Variants in COL4A3 observed in about 807,000 individuals in gnomAD.
COL4A3 encodes the protein collagen alpha-3(IV) chain.
A neutral mutation model predicts 217.4 loss-of-function variants in COL4A3; 135 were observed. The ratio of observed to expected loss-of-function variants is 0.62; its 90% confidence interval spans 0.54 to 0.72. The LOEUF is 0.72. Ranked by LOEUF, COL4A3 falls within the 30% of genes least tolerant of loss-of-function variation. The probability of loss-of-function intolerance (pLI) is 0.00; values close to 1 mark genes in which losing one functional copy is unlikely to be tolerated. For synonymous variants in COL4A3, 690 were observed against 736.3 expected (o/e 0.94, Z 1.02); for missense variants, 1,868 against 2,119.9 (o/e 0.88, Z 2.33).
chr2:227,257,636 C>T lies in COL4A3; in HGVS notation c.1021C>T (p.Arg341Cys), dbSNP rs778166354. 22 of 1,613,526 alleles carry T rather than the reference C, an allele frequency of 1.4e-5. No individual in the cohort carries two copies. The highest frequency in any genetic ancestry group is 2.2e-5 in the South Asian group (2 of 91,072). Residue 341 changes from arginine (R) to cysteine (C), a missense_variant, in exon 18 of 52, where the codon CGT becomes TGT. Arg to Cys is a radical substitution (Grantham distance 180). Transcript: ENST00000396578. ...QKGDIGPPGF[R>C]GPTEYYDTYQ... ...AGGGGACATTGGCCCTCCAGGATTT[C>T]GTGGTCCAGTAAGTGTGATTAAAGA... is the stretch of plus-strand genomic sequence containing the variant.
chr2:227,259,207 T>C (rs2070386556), intron 18 of COL4A3: 1 of 152,214 alleles, frequency 6.6e-6, no homozygotes, highest in African/African-American at 2.4e-5. Flanking sequence ...AGGAAGGAAA[T>C]GGTTAAGAAC....
chr2:227,173,694 A>G (rs1395185941), intron 1 of COL4A3, among the ~76,000 whole-genome samples: 1 of 152,266 alleles, frequency 6.6e-6, no homozygotes, highest in Non-Finnish European at 1.5e-5. Context: ...ATTAAAAAAT[A>G]GAGATGGATG....
chr2:227,201,702 A>G (rs1460359782), intron 1 of COL4A3, among the ~76,000 whole-genome samples: 1 of 152,228 alleles, frequency 6.6e-6, no homozygotes, highest in Non-Finnish European at 1.5e-5. Flanking sequence ...ACTGTAAAAC[A>G]GAAAGGATTC....
chr2:227,183,692 ACTTTCCCCTGACAATTATT>A (rs2065927903), intron 1 of COL4A3, among the ~76,000 whole-genome samples: 1 of 152,200 alleles, frequency 6.6e-6, no homozygotes, highest in Admixed American at 6.5e-5. Flanking sequence ...GATATCTGCT[ACTTTCCCCTGACAATTATT>A]CTTTCCTACT....
intron 1 of COL4A3, among the ~76,000 whole-genome samples, chr2:227,168,577 CT>C (rs1163234265): frequency 6.6e-6 from 1 of 152,092 alleles, no homozygotes; most frequent in Non-Finnish European, 1.5e-5. Flanking sequence ...TTATTCCAAT[CT>C]TTGGTTTATC....
intron 47 of COL4A3, 43 bp from the exon 48 acceptor site, chr2:227,307,667 G>T: frequency 6.5e-7 from 1 of 1,540,502 alleles, no homozygotes; most frequent in Non-Finnish European, 9.0e-7. Context: ...ACGAGTTTAA[G>T]ATTTTTGTGT....
chr2:227,305,182 A>G (rs553300009), intron 47 of COL4A3, 99 bp downstream of exon 47: 1 of 996,568 alleles, frequency 1.0e-6, no homozygotes, highest in Non-Finnish European at 1.6e-6. Flanking sequence ...TAGGCCTTTG[A>G]GTTTATGTTG....
At chr2:227,255,189 G>A (rs560976939) in intron 15 of COL4A3, among the ~76,000 whole-genome samples, 184 of 152,228 alleles carry the variant, frequency 1.2e-3, no homozygotes, top group Non-Finnish European at 2.3e-3. Flanking sequence ...AAGAGAAAAG[G>A]GTACTATAAT....
chr2:227,264,209 G>T (rs969374917), intron 21 of COL4A3, among the ~76,000 whole-genome samples: 9 of 152,174 alleles, frequency 5.9e-5, no homozygotes, highest in African/African-American at 2.2e-4. Flanking sequence ...GGGAAGGATG[G>T]GTGGCTATCA....
intron 1 of COL4A3, among the ~76,000 whole-genome samples, chr2:227,236,427 GTTTT>G (rs35474987): frequency 1.3e-5 from 2 of 151,954 alleles, no homozygotes; most frequent in Admixed American, 1.3e-4. Context: ...GTTTGTGTGG[GTTTT>G]TTTGTTTTGG....
At chr2:227,294,119 GTTTTA>G (rs2072912111) in intron 38 of COL4A3, 2 of 294,348 alleles carry the variant, frequency 6.8e-6, no homozygotes, top group African/African-American at 4.4e-5. Flanking sequence ...TTAGGGTTTT[GTTTTA>G]TTAAAAACAA....
intron 38 of COL4A3, 39 bp downstream of exon 38, chr2:227,293,356 T>C: frequency 6.2e-7 from 1 of 1,610,242 alleles, no homozygotes; most frequent in Non-Finnish European, 8.5e-7. Context: ...CTGGAAGCAT[T>C]ACTCAGAGTA....
chr2:227,294,350 T>C (rs1386101471), intron 38 of COL4A3, 140 bp from the exon 39 acceptor site: 1 of 756,402 alleles, frequency 1.3e-6, no homozygotes, highest in Non-Finnish European at 2.4e-6. Flanking sequence ...GACAAAATCA[T>C]GGGGTGACCT....
In COL4A3 at chr2:227,314,411, C is replaced by T. The variant is rs2073837014; in HGVS notation, c.*2541C>T. On this transcript the variant is annotated 3_prime_UTR_variant, in exon 52 of 52. Transcript: ENST00000396578. ...ATACAATTATGAAGATTTAATATTA[C>T]AGATAAAATGTAAACTGTTTCTTTA... The T allele has an allele frequency of 6.6e-6, 1 of 152,608 alleles. No homozygotes were observed. The highest frequency in any genetic ancestry group is 1.5e-5 in the Non-Finnish European group (1 of 68,040). 9.5% of individuals were successfully genotyped at this position (152,608 alleles called of 1,614,324 possible). A position where few individuals can be genotyped will look rare whatever the true frequency, so the allele number is the denominator to read the frequency against.
At chr2:227,293,646 A>T (rs2072883490) in intron 38 of COL4A3, 1 of 468,380 alleles carries the variant, frequency 2.1e-6, no homozygotes, top group Non-Finnish European at 4.3e-6. Context: ...TCCATAGTGA[A>T]TTCCACAGAC....
intron 1 of COL4A3, among the ~76,000 whole-genome samples, chr2:227,230,405 G>A (rs1330469276): frequency 6.6e-6 from 1 of 152,082 alleles, no homozygotes; most frequent in Non-Finnish European, 1.5e-5. Flanking sequence ...AAATGATTTT[G>A]TATTCCATTA....
chr2:227,188,474 C>A (rs1045284313), intron 1 of COL4A3, among the ~76,000 whole-genome samples: 1 of 151,694 alleles, frequency 6.6e-6, no homozygotes, highest in African/African-American at 2.4e-5. Flanking sequence ...GATATCCGGT[C>A]AGGTCAGCTA....
At chr2:227,276,117 C>A (rs1281951488) in intron 26 of COL4A3, among the ~76,000 whole-genome samples, 1 of 152,150 alleles carries the variant, frequency 6.6e-6, no homozygotes, top group African/African-American at 2.4e-5. Flanking sequence ...AAAGTTAGGA[C>A]CGTCATCTGT....
At position 227,270,768 on chromosome 2, in the gene COL4A3, A is replaced by G. The variant is rs1291012482; in HGVS notation, c.1576-2A>G. ...TACAGATTCATTTGTGTACTACCCT[A>G]GGGTTTCCCAGGTGCCCAGGGTGAC... On this transcript the variant is annotated splice_acceptor_variant, in intron 24 of 51. Coordinates refer to ENST00000396578, the MANE Select transcript of COL4A3 (RefSeq NM_000091.5). LOFTEE classifies it high-confidence loss of function. 1 of 1,613,568 alleles carries G rather than the reference A, an allele frequency of 6.2e-7. No homozygotes were observed. The highest frequency in any genetic ancestry group is 1.7e-5 in the Admixed American group (1 of 60,018).
Sources: allele counts gnomAD v4.1 joint callset (sites outside exome capture counted in the v4.1 genomes callset), GRCh38; gene constraint gnomAD v4.1.1; transcripts MANE v1.5; gene names NCBI Gene and HGNC (gene_info 2026-07-23, HGNC 2026-07-21).